The following MAML2 variants were observed in gnomAD, a reference collection of about 807,000 sequenced individuals.
The protein encoded by MAML2 is mastermind like transcriptional coactivator 2.
In MAML2, 22 loss-of-function variants were observed where a neutral mutation model predicts 96.1. The observed-to-expected ratio is 0.23, with a 90% confidence interval of 0.16 to 0.33. MAML2 has a LOEUF of 0.33. MAML2 is among the 10% of genes least tolerant of loss of function. The pLI, the probability that MAML2 is intolerant of heterozygous loss-of-function variation, is 1.00. For synonymous variants in MAML2, 561 were observed against 521.3 expected (o/e 1.08, Z -1.04); for missense variants, 1,367 against 1,392.4 (o/e 0.98, Z 0.29).
intron 1 of MAML2, among the ~76,000 whole-genome samples, chr11:96,302,667 T>A (rs1859135314): frequency 6.6e-6 from 1 of 152,186 alleles, no homozygotes; most frequent in African/African-American, 2.4e-5. Context: ...ATTTTCTAAA[T>A]TTGGTTATTT....
Position 96,092,814 on chromosome 11 carries a change from G to C in MAML2, c.1217C>G (p.Ser406Ter). 1 of 1,610,758 alleles carries C rather than the reference G, an allele frequency of 6.2e-7. No homozygotes were observed. The highest frequency in any genetic ancestry group is 8.5e-7 in the Non-Finnish European group (1 of 1,177,838). The change falls in exon 2 of 5, where the codon TCA (serine) becomes TGA (stop). Residue 406 changes from serine (S) to a stop codon, truncating the protein, a stop_gained. Coordinates refer to ENST00000524717, the MANE Select transcript of MAML2 (RefSeq NM_032427.4). LOFTEE classifies it high-confidence loss of function. This position sits in a 1 kb window ranked among gnomAD's most constrained non-coding sequence, Gnocchi z 4.1. ...AGGCTGAGCCTGGCTCTGAGGGACT[G>C]AAGGGATTGGAGACGAAGTGGAGAG... The part of the protein sequence containing the change: ...SALSTSSPIP[S>*]VPQSQAQPQT...
intron 2 of MAML2, among the ~76,000 whole-genome samples, chr11:96,075,361 C>T (rs1387686121): frequency 6.6e-6 from 1 of 152,174 alleles, no homozygotes; most frequent in Non-Finnish European, 1.5e-5. Flanking sequence ...AGAAGTTCAA[C>T]CTTCCTTTTG....
At chr11:96,011,585 G>A (rs915839000) in intron 2 of MAML2, among the ~76,000 whole-genome samples, 2 of 152,098 alleles carry the variant, frequency 1.3e-5, no homozygotes, top group East Asian at 3.9e-4. Context: ...GGGTGGGAGA[G>A]AGGCTGGGGC....
intron 1 of MAML2, among the ~76,000 whole-genome samples, chr11:96,200,545 G>C (rs1268979355): frequency 6.6e-6 from 1 of 152,228 alleles, no homozygotes; most frequent in Non-Finnish European, 1.5e-5. Flanking sequence ...GAGCCTGACA[G>C]ATTTCATCAG....
intron 1 of MAML2, among the ~76,000 whole-genome samples, chr11:96,288,616 C>T (rs1408915501): frequency 6.7e-6 from 1 of 150,114 alleles, no homozygotes; most frequent in African/African-American, 2.4e-5. Flanking sequence ...GAAAATCAAA[C>T]TGCCAAGCAA....
At chr11:96,298,002 G>C (rs915741420) in intron 1 of MAML2, among the ~76,000 whole-genome samples, 6 of 152,110 alleles carry the variant, frequency 3.9e-5, no homozygotes, top group African/African-American at 1.4e-4. Flanking sequence ...AATAAGTTCT[G>C]CACCTACCCC....
Position 95,979,742 on chromosome 11 carries a change from G to C in MAML2, c.2677C>G (p.Gln893Glu). 6.2e-7 allele frequency: 1 copy of C among 1,613,994 alleles called. No homozygotes were observed. The highest frequency in any genetic ancestry group is 1.3e-5 in the African/African-American group (1 of 75,046). Residue 893 changes from glutamine to glutamate, a missense_variant, in exon 5 of 5, where the codon CAG becomes GAG. Physicochemically the swap from Gln to Glu is conservative, Grantham distance 29. Transcript: ENST00000524717. Reference sequence around the variant, plus strand: ...GCTAACAATTGCTTTGGGTTTCTCTGTTGGGTCAATTGATTCATTCCTGAA... The same window carrying C: ...GCTAACAATTGCTTTGGGTTTCTCTCTTGGGTCAATTGATTCATTCCTGAA... Reference protein sequence around the residue: ...VTSGMNQLTQQRNPKQLLANQ... With the variant: ...VTSGMNQLTQERNPKQLLANQ...
At chr11:96,187,445 T>G (rs1168719676) in intron 1 of MAML2, among the ~76,000 whole-genome samples, 1 of 152,240 alleles carries the variant, frequency 6.6e-6, no homozygotes, top group Non-Finnish European at 1.5e-5. Flanking sequence ...GAATCACTGC[T>G]GATCCTATCC....
At chr11:96,261,097 C>T (rs923402428) in intron 1 of MAML2, among the ~76,000 whole-genome samples, 1 of 152,108 alleles carries the variant, frequency 6.6e-6, no homozygotes, top group African/African-American at 2.4e-5. Context: ...GCAGTATTGA[C>T]AGGTGGTAAC....
intron 1 of MAML2, among the ~76,000 whole-genome samples, chr11:96,294,781 T>C (rs1565275817): frequency 6.6e-6 from 1 of 152,174 alleles, no homozygotes; most frequent in Non-Finnish European, 1.5e-5. Flanking sequence ...ATAAGCATGA[T>C]TATTATTCTC....
chr11:96,165,575 T>C (rs1222224038), intron 1 of MAML2, among the ~76,000 whole-genome samples: 3 of 152,246 alleles, frequency 2.0e-5, no homozygotes, highest in African/African-American at 7.2e-5. Context: ...TTGAGGTATA[T>C]TTCACATACC....
intron 2 of MAML2, among the ~76,000 whole-genome samples, chr11:96,015,097 G>C (rs1029326438): frequency 6.6e-6 from 1 of 152,114 alleles, no homozygotes; most frequent in African/African-American, 2.4e-5. Flanking sequence ...CAGTGATTGA[G>C]CCAAAAGTCT....
chr11:96,227,997 G>C lies in MAML2; in HGVS notation c.513+113386C>G, dbSNP rs1334224289. 4.6e-5 allele frequency among the ~76,000 whole-genome samples: 7 copies of C among 152,320 alleles called. No individual in the cohort carries two copies. The South Asian group carries it at 1.4e-3, about 32-fold the overall frequency. ...CACACCTGTAGTCCCAGCCACTCGGGGGGCTGAGGTGGAAGGATCACTTGA... is the reference window on the plus strand; with the variant it reads ...CACACCTGTAGTCCCAGCCACTCGGCGGGCTGAGGTGGAAGGATCACTTGA... On this transcript the variant is annotated intron_variant, in intron 1 of 4. Transcript: ENST00000524717.
chr11:95,987,899 T>A (rs1323107618), intron 3 of MAML2, among the ~76,000 whole-genome samples: 1 of 152,190 alleles, frequency 6.6e-6, no homozygotes. Context: ...TGCTCTTTGG[T>A]TTTGCCCAAA....
At chr11:96,037,085 G>C (rs1858726763) in intron 2 of MAML2, among the ~76,000 whole-genome samples, 1 of 152,110 alleles carries the variant, frequency 6.6e-6, no homozygotes, top group African/African-American at 2.4e-5. Context: ...GCCAGTACTT[G>C]CTTTCTGCCC....
At chr11:96,166,175 TCTCACACA>T (rs969546092) in intron 1 of MAML2, among the ~76,000 whole-genome samples, 3 of 101,904 alleles carry the variant, frequency 2.9e-5, no homozygotes, top group East Asian at 4.2e-4. Context: ...TCTCTCTCTC[TCTCACACA>T]CACACACACA....
chr11:96,291,194 C>T (rs542970588), intron 1 of MAML2, among the ~76,000 whole-genome samples: 2 of 120,150 alleles, frequency 1.7e-5, no homozygotes, highest in Non-Finnish European at 3.2e-5. Context: ...GGCGCAATAT[C>T]GGTTCACTGT....
intron 3 of MAML2, among the ~76,000 whole-genome samples, chr11:95,989,950 C>G (rs1228259746): frequency 6.6e-6 from 1 of 152,144 alleles, no homozygotes; most frequent in Non-Finnish European, 1.5e-5. Flanking sequence ...AATGCAATCT[C>G]AAACTCACCA....
chr11:96,072,607 G>A (rs930833556), intron 2 of MAML2, among the ~76,000 whole-genome samples: 1 of 152,198 alleles, frequency 6.6e-6, no homozygotes, highest in Non-Finnish European at 1.5e-5. Flanking sequence ...TGGCATGCAG[G>A]TAAGGAAGAA....
Sources: gnomAD v4.1 joint callset for allele counts (sites outside exome capture counted in the v4.1 genomes callset) on GRCh38, gnomAD v4.1.1 for gene constraint, Gnocchi (gnomAD v3.1) non-coding constraint, MANE v1.5 for transcripts, NCBI Gene and HGNC (gene_info 2026-07-23, HGNC 2026-07-21) for gene names.